The following RIMS2 variants were observed in gnomAD, a reference collection of about 807,000 sequenced individuals.
RIMS2 encodes regulating synaptic membrane exocytosis 2.
RIMS2 carries 59 observed loss-of-function variants against 174.4 expected under a neutral mutation model. The observed-to-expected ratio is 0.34, with a 90% confidence interval of 0.27 to 0.42. RIMS2 has a LOEUF of 0.42. RIMS2 is among the 10% of genes least tolerant of loss of function. The probability of loss-of-function intolerance (pLI) is 1.00; values close to 1 mark genes in which losing one functional copy is unlikely to be tolerated. For missense variants in RIMS2, 1,620 were observed against 1,666.3 expected (o/e 0.97, Z 0.48); for synonymous variants, 606 against 572.5 (o/e 1.06, Z -0.84).
At chr8:104,115,269 A>G (rs1317320117) in intron 19 of RIMS2, among the ~76,000 whole-genome samples, 1 of 152,132 alleles carries the variant, frequency 6.6e-6, no homozygotes, top group Non-Finnish European at 1.5e-5. Context: ...CTTCAGTGCT[A>G]GCTTGACAAT....
chr8:103,776,899 TTGTGTGTGCACA>T (rs1402325465), intron 3 of RIMS2, among the ~76,000 whole-genome samples: 2 of 152,170 alleles, frequency 1.3e-5, no homozygotes, highest in African/African-American at 4.8e-5. Flanking sequence ...CAGTTCCAAG[TTGTGTGTGCACA>T]TGTGTGTGCA....
intron 19 of RIMS2, among the ~76,000 whole-genome samples, chr8:104,051,098 G>A (rs1421250538): frequency 6.6e-6 from 1 of 152,018 alleles, no homozygotes; most frequent in South Asian, 2.1e-4. Context: ...ACTTAGCTGG[G>A]TGTGGTGGCA....
intron 19 of RIMS2, among the ~76,000 whole-genome samples, chr8:104,037,922 TCTATGTTTG>T (rs1412889588): frequency 1.3e-5 from 2 of 152,150 alleles, no homozygotes; most frequent in Non-Finnish European, 1.5e-5. Context: ...CTGTATGTTT[TCTATGTTTG>T]GATATACAAA....
At chr8:104,227,816 A>G (rs1371824816) in intron 19 of RIMS2, among the ~76,000 whole-genome samples, 1 of 152,200 alleles carries the variant, frequency 6.6e-6, no homozygotes, top group East Asian at 1.9e-4. Context: ...AAATTAACTC[A>G]TCTGACTTCT....
intron 19 of RIMS2, among the ~76,000 whole-genome samples, chr8:104,227,954 T>C (rs531083306): frequency 1.3e-5 from 2 of 151,690 alleles, no homozygotes; most frequent in South Asian, 4.2e-4. Flanking sequence ...GGAATTAAAA[T>C]AAAATTGACT....
chr8:103,927,391 A>G (rs1169687513), intron 10 of RIMS2, among the ~76,000 whole-genome samples: 10 of 151,620 alleles, frequency 6.6e-5, no homozygotes, highest in Admixed American at 1.3e-4. Flanking sequence ...GAAGTCACAC[A>G]ATTACTTCCA....
chr8:103,542,220 C>T (rs1842871294), intron 1 of RIMS2, among the ~76,000 whole-genome samples: 1 of 151,906 alleles, frequency 6.6e-6, no homozygotes, highest in Non-Finnish European at 1.5e-5. Context: ...AACTATACAC[C>T]AAAAAACTGG....
chr8:103,745,199 C>T (rs2097796953), intron 2 of RIMS2, among the ~76,000 whole-genome samples: 2 of 152,160 alleles, frequency 1.3e-5, no homozygotes, highest in African/African-American at 4.8e-5. Flanking sequence ...TTCCCTATAC[C>T]CCTGCAATCA....
downstream of RIMS2, chr8:104,253,420 A>G (rs2099363435): frequency 6.6e-6 from 1 of 152,198 alleles, no homozygotes; most frequent in Non-Finnish European, 1.5e-5. Context: ...TTCACAAATT[A>G]TATTTCTAAA....
At chr8:103,765,652 C>G (rs904767812) in intron 2 of RIMS2, among the ~76,000 whole-genome samples, 2 of 151,750 alleles carry the variant, frequency 1.3e-5, no homozygotes, top group Non-Finnish European at 2.9e-5. Flanking sequence ...AATAAAAGCC[C>G]CCTTAAGAAT....
chr8:103,585,111 C>T (rs111468441), intron 1 of RIMS2, among the ~76,000 whole-genome samples: 2 of 152,076 alleles, frequency 1.3e-5, no homozygotes, highest in South Asian at 2.1e-4. Context: ...CAAAAGAAGA[C>T]ATTTATGCGG....
intron 1 of RIMS2, among the ~76,000 whole-genome samples, chr8:103,638,080 T>A (rs1209519222): frequency 8.6e-6 from 1 of 116,790 alleles, no homozygotes; most frequent in Non-Finnish European, 2.0e-5. Context: ...ATTTTGATCG[T>A]ATAGTTAGAG....
chr8:104,153,241 C>A (rs765217928), intron 19 of RIMS2, among the ~76,000 whole-genome samples: 14 of 152,088 alleles, frequency 9.2e-5, no homozygotes, highest in Non-Finnish European at 1.6e-4. Flanking sequence ...TGATAGGCAT[C>A]ATAACCTAGT....
intron 19 of RIMS2, among the ~76,000 whole-genome samples, chr8:104,146,854 G>A (rs577781346): frequency 1.1e-4 from 17 of 152,082 alleles, no homozygotes; most frequent in African/African-American, 3.9e-4. Context: ...GTGCCACCAT[G>A]CCTGGCTAAT....
intron 1 of RIMS2, among the ~76,000 whole-genome samples, chr8:103,535,061 TG>T (rs1382281839): frequency 5.3e-5 from 8 of 152,218 alleles, no homozygotes; most frequent in African/African-American, 1.7e-4. Context: ...GCTAAAAGAA[TG>T]TTTTTTTGCC....
chr8:103,930,131 T>G (rs2079613434), intron 11 of RIMS2, among the ~76,000 whole-genome samples: 1 of 152,012 alleles, frequency 6.6e-6, no homozygotes, highest in Non-Finnish European at 1.5e-5. Context: ...TTAAATAATT[T>G]GGATATTTCT....
intron 17 of RIMS2, among the ~76,000 whole-genome samples, chr8:103,992,469 G>T (rs2094788374): frequency 6.6e-6 from 1 of 151,552 alleles, no homozygotes. Context: ...TTTAAGTTTT[G>T]TGTAGAATGA....
intron 1 of RIMS2, among the ~76,000 whole-genome samples, chr8:103,662,023 G>A (rs139104651): frequency 2.9e-4 from 44 of 152,156 alleles, no homozygotes; most frequent in African/African-American, 9.4e-4. Context: ...GGCTTCCCTG[G>A]GCTACATTGG....
intron 1 of RIMS2, among the ~76,000 whole-genome samples, chr8:103,544,476 A>G (rs1371222361): frequency 6.6e-6 from 1 of 152,160 alleles, no homozygotes; most frequent in Non-Finnish European, 1.5e-5. Context: ...TTCTGCCTGC[A>G]TTTGCTGAGG....
Sources: allele counts gnomAD v4.1 joint callset (sites outside exome capture counted in the v4.1 genomes callset), GRCh38; gene constraint gnomAD v4.1.1; transcripts MANE v1.5; gene names NCBI Gene and HGNC (gene_info 2026-07-23, HGNC 2026-07-21).